The following NR3C2 variants were observed in gnomAD, a reference collection of about 807,000 sequenced individuals.
NR3C2 encodes the protein nuclear receptor subfamily 3 group C member 2, also known as mineralocorticoid receptor.
NR3C2 carries 15 observed loss-of-function variants against 86.4 expected under a neutral mutation model. The ratio of observed to expected loss-of-function variants is 0.17; its 90% CI spans 0.12 to 0.27. The LOEUF is 0.27. Among genes scored for constraint, NR3C2 ranks in the 10% least tolerant of loss-of-function variants. NR3C2 has a pLI of 1.00. For synonymous variants in NR3C2, 458 were observed against 450.5 expected, an observed-to-expected ratio of 1.02 and a Z score of -0.21; for missense variants, 960 against 1,195.6, an observed-to-expected ratio of 0.80 and a Z score of 2.91.
rs183316921 is a variant in NR3C2 at position 148,098,314 on chromosome 4, T to C, written c.2799+15790A>G. 2.5e-4 allele frequency among the ~76,000 whole-genome samples: 38 copies of C among 152,326 alleles called. No homozygotes were observed. In the East Asian group the frequency reaches 6.9e-3, roughly 28 times the overall value. On this transcript the variant is annotated intron_variant, in intron 8 of 8. Transcript: ENST00000358102. ...TCCCTAACATTGAACTCATGGCCAA[T>C]AGCACTGTAACTCAGGCCTGAAGGA...
intron 2 of NR3C2, among the ~76,000 whole-genome samples, chr4:148,433,273 C>T (rs1320578018): frequency 2.6e-5 from 4 of 152,038 alleles, no homozygotes; most frequent in South Asian, 4.1e-4. Flanking sequence ...CTACCAGAAA[C>T]ATCATTACTC....
intron 2 of NR3C2, among the ~76,000 whole-genome samples, chr4:148,372,141 A>T (rs1184046581): frequency 6.6e-6 from 1 of 152,182 alleles, no homozygotes; most frequent in Admixed American, 6.5e-5. Flanking sequence ...TTTAAACTAG[A>T]ATGTATTTAA....
At chr4:148,316,118 TC>T (rs1743159156) in intron 2 of NR3C2, among the ~76,000 whole-genome samples, 1 of 152,154 alleles carries the variant, frequency 6.6e-6, no homozygotes, top group Non-Finnish European at 1.5e-5. Flanking sequence ...ACAATTTTTT[TC>T]ATATCGAAAA....
At chr4:148,356,251 A>C (rs2149998153) in intron 2 of NR3C2, among the ~76,000 whole-genome samples, 1 of 152,340 alleles carries the variant, frequency 6.6e-6, no homozygotes, top group East Asian at 1.9e-4. Context: ...AGGTACTAAA[A>C]AGTAATTTGA....
chr4:148,084,737 A>AAATCCATC (rs1285423461), intron 8 of NR3C2, among the ~76,000 whole-genome samples: 1 of 152,228 alleles, frequency 6.6e-6, no homozygotes, highest in African/African-American at 2.4e-5. Flanking sequence ...TCAAGAGTCA[A>AAATCCATC]AATCCATCGG....
intron 2 of NR3C2, among the ~76,000 whole-genome samples, chr4:148,323,620 C>G (rs535151310): frequency 6.6e-4 from 101 of 152,184 alleles, no homozygotes; most frequent in Non-Finnish European, 1.3e-3. Flanking sequence ...GCGCAGTATT[C>G]GGGTGGGAGT....
chr4:148,311,828 C>T (rs1345783241), intron 2 of NR3C2, among the ~76,000 whole-genome samples: 3 of 152,220 alleles, frequency 2.0e-5, no homozygotes, highest in Non-Finnish European at 4.4e-5. Context: ...TGGAATGTGC[C>T]AAGATACTCC....
At chr4:148,368,720 G>A (rs1746271977) in intron 2 of NR3C2, among the ~76,000 whole-genome samples, 2 of 152,048 alleles carry the variant, frequency 1.3e-5, no homozygotes, top group Admixed American at 1.3e-4. Context: ...ACCAGCAATG[G>A]GGAGAATAAG....
At chr4:148,199,573 G>A (rs1050333537) in intron 3 of NR3C2, among the ~76,000 whole-genome samples, 1 of 152,096 alleles carries the variant, frequency 6.6e-6, no homozygotes, top group South Asian at 2.1e-4. Flanking sequence ...ATTTTGCCAG[G>A]AGCCTTGAGG....
intron 2 of NR3C2, among the ~76,000 whole-genome samples, chr4:148,320,302 A>C (rs1275506294): frequency 1.2e-5 from 1 of 85,082 alleles, no homozygotes; most frequent in Non-Finnish European, 2.2e-5. Context: ...GTATTTTTGC[A>C]TCAATGTTCA....
chr4:148,142,623 T>A (rs1733667370), intron 6 of NR3C2, among the ~76,000 whole-genome samples: 1 of 152,080 alleles, frequency 6.6e-6, no homozygotes, highest in Admixed American at 6.5e-5. Flanking sequence ...GCCTCCTGAG[T>A]AGCTGGGACC....
chr4:148,405,766 C>CA (rs1259858326), intron 2 of NR3C2, among the ~76,000 whole-genome samples: 6 of 152,214 alleles, frequency 3.9e-5, no homozygotes, highest in African/African-American at 1.2e-4. Flanking sequence ...GTGGGGGACT[C>CA]AGAGTCTGTC....
chr4:148,134,641 CTCTTTTTTTTTTTTTT>C (rs956853819), intron 6 of NR3C2, among the ~76,000 whole-genome samples: 5 of 60,998 alleles, frequency 8.2e-5, no homozygotes, highest in Non-Finnish European at 1.3e-4. Flanking sequence ...CTCTCTCTCT[CTCTTTTTTTTTTTTTT>C]TTTTTTTTTT....
At chr4:148,315,149 G>A (rs1320269204) in intron 2 of NR3C2, among the ~76,000 whole-genome samples, 1 of 152,102 alleles carries the variant, frequency 6.6e-6, no homozygotes. Context: ...CTACACTGAC[G>A]GCTCACTGTT....
intron 3 of NR3C2, among the ~76,000 whole-genome samples, chr4:148,206,727 G>T (rs1025175361): frequency 3.3e-5 from 5 of 152,170 alleles, no homozygotes; most frequent in Non-Finnish European, 7.4e-5. Flanking sequence ...GCAAGCCTTT[G>T]TTCTCTGAAA....
At chr4:148,381,403 G>T (rs747473123) in intron 2 of NR3C2, among the ~76,000 whole-genome samples, 1 of 152,124 alleles carries the variant, frequency 6.6e-6, no homozygotes, top group Non-Finnish European at 1.5e-5. Context: ...TTCCTCACTT[G>T]TTAAAGTTTC....
At chr4:148,124,433 T>C (rs1311723183) in intron 6 of NR3C2, among the ~76,000 whole-genome samples, 1 of 152,198 alleles carries the variant, frequency 6.6e-6, no homozygotes, top group Non-Finnish European at 1.5e-5. Flanking sequence ...AATTGTTGCT[T>C]TTGGGAAATT....
intron 3 of NR3C2, among the ~76,000 whole-genome samples, chr4:148,239,484 GC>G (rs772356635): frequency 6.6e-6 from 1 of 152,256 alleles, no homozygotes; most frequent in South Asian, 2.1e-4. Flanking sequence ...CTGGTTGAAG[GC>G]TATCTGACAG....
chr4:148,109,622 T>C (rs1010125203), intron 8 of NR3C2, among the ~76,000 whole-genome samples: 1 of 152,204 alleles, frequency 6.6e-6, no homozygotes, highest in African/African-American at 2.4e-5. Flanking sequence ...CCAACACATA[T>C]GCGTACCATG....
Sources: gnomAD v4.1 joint callset for allele counts (sites outside exome capture counted in the v4.1 genomes callset) on GRCh38, gnomAD v4.1.1 for gene constraint, MANE v1.5 for transcripts, NCBI Gene and HGNC (gene_info 2026-07-23, HGNC 2026-07-21) for gene names.